Variants in PALD1 observed in about 807,000 individuals in gnomAD.
PALD1 encodes paladin.
A neutral mutation model predicts 96.0 loss-of-function variants in PALD1; 57 were observed. The observed-to-expected ratio is 0.59, with a 90% CI of 0.48 to 0.74. The LOEUF (loss-of-function observed/expected upper bound fraction) is 0.74, where lower values mean the gene tolerates loss of function less well. Among genes scored for constraint, PALD1 ranks in the 30% least tolerant of loss-of-function variants. The pLI, the probability that PALD1 is intolerant of heterozygous loss-of-function variation, is 0.00. For synonymous variants in PALD1, 464 were observed against 473.6 expected, an observed-to-expected ratio of 0.98 and a Z score of 0.26; for missense variants, 1,063 against 1,143.7, an observed-to-expected ratio of 0.93 and a Z score of 1.02.
At chr10:70,487,685 CT>C (rs139022657) in intron 1 of PALD1, among the ~76,000 whole-genome samples, 8,974 of 151,414 alleles carry the variant, frequency 0.059, 982 homozygotes, top group East Asian at 0.51. Flanking sequence ...CACCACAGTA[CT>C]TTTTTTCTTT....
At chr10:70,553,909 G>A (rs1208617436) in intron 18 of PALD1, among the ~76,000 whole-genome samples, 2 of 152,268 alleles carry the variant, frequency 1.3e-5, no homozygotes, top group Admixed American at 6.5e-5. Flanking sequence ...GGTTGTGGGT[G>A]CAGCTGGGAG....
intron 1 of PALD1, among the ~76,000 whole-genome samples, chr10:70,507,309 G>C (rs1284327105): frequency 6.6e-6 from 1 of 152,160 alleles, no homozygotes; most frequent in South Asian, 2.1e-4. Context: ...CTACTTGGGA[G>C]GTTGAGGCAG....
At chr10:70,513,272 ATCATTTGAGG>A (rs1400479722) in intron 1 of PALD1, among the ~76,000 whole-genome samples, 2 of 152,180 alleles carry the variant, frequency 1.3e-5, no homozygotes, top group Admixed American at 1.3e-4. Context: ...AGGTGGGTGC[ATCATTTGAGG>A]TTAGGAGTTC....
intron 18 of PALD1, among the ~76,000 whole-genome samples, chr10:70,554,586 A>G (rs67008917): frequency 0.53 from 80,216 of 151,770 alleles, 21,884 homozygotes; most frequent in Middle Eastern, 0.66. Context: ...TGACACCCGC[A>G]GCAGACTTCG....
At chr10:70,488,215 G>A (rs1846043846) in intron 1 of PALD1, among the ~76,000 whole-genome samples, 1 of 151,762 alleles carries the variant, frequency 6.6e-6, no homozygotes. Flanking sequence ...TTAACTTCTG[G>A]CCTCAAATGA....
At chr10:70,494,170 G>A (rs4746040) in intron 1 of PALD1, among the ~76,000 whole-genome samples, 38,565 of 152,128 alleles carry the variant, frequency 0.25, 6,271 homozygotes, top group East Asian at 0.83. Flanking sequence ...CCACAGGGCT[G>A]CCTTGTCACT....
At chr10:70,471,408 A>G in the PALD1 span, among the ~76,000 whole-genome samples, 4 of 152,250 alleles carry the variant, frequency 2.6e-5, no homozygotes, top group African/African-American at 9.6e-5. Flanking sequence ...CCTTAGAGAC[A>G]GATACTGAGG....
intron 1 of PALD1, among the ~76,000 whole-genome samples, chr10:70,512,636 G>A (rs867056630): frequency 3.9e-5 from 6 of 152,228 alleles, no homozygotes; most frequent in Non-Finnish European, 7.3e-5. Flanking sequence ...GCCAAGAAGC[G>A]GGGACTGAAA....
intron 1 of PALD1, among the ~76,000 whole-genome samples, chr10:70,500,404 A>G (rs1846271566): frequency 6.6e-6 from 1 of 152,144 alleles, no homozygotes; most frequent in Non-Finnish European, 1.5e-5. Context: ...AGATCCTGGC[A>G]TGGTCCCCAG....
chr10:70,535,427 C>T (rs1847090331), intron 10 of PALD1, among the ~76,000 whole-genome samples: 1 of 98,626 alleles, frequency 1.0e-5, no homozygotes. Flanking sequence ...CTTCCCCCTT[C>T]CTCCTCCCCC....
chr10:70,544,666 G>A lies in PALD1; in HGVS notation c.2122-2640G>A, dbSNP rs1847323926. Among the ~76,000 whole-genome samples the A allele has an allele frequency of 2.0e-5, 3 of 152,158 alleles. No individual in the cohort carries two copies. In the South Asian group the frequency reaches 6.2e-4, roughly 32 times the overall value. ...TGTGGAATTCAGGGGAGGAACAGCT[G>A]CAGCAGAGGCCAGGAGTTGGGTTCC... On this transcript the variant is annotated intron_variant, in intron 17 of 19. Transcript: ENST00000263563.
At chr10:70,469,329 G>T in the PALD1 span, among the ~76,000 whole-genome samples, 1 of 152,168 alleles carries the variant, frequency 6.6e-6, no homozygotes, top group Non-Finnish European at 1.5e-5. Context: ...GGAGTCTGTC[G>T]TGTAACCCCT....
At chr10:70,469,753 C>T in the PALD1 span, among the ~76,000 whole-genome samples, 47 of 151,972 alleles carry the variant, frequency 3.1e-4, no homozygotes, top group African/African-American at 1.1e-3. Context: ...AGGGCTGCTC[C>T]AGGTCTGGCA....
intron 1 of PALD1, among the ~76,000 whole-genome samples, chr10:70,491,686 CA>C (rs1179832444): frequency 1.3e-5 from 2 of 152,184 alleles, no homozygotes; most frequent in East Asian, 3.8e-4. Flanking sequence ...CAAACATTTT[CA>C]GTTCCAAAAC....
chr10:70,499,458 G>A (rs568532822), intron 1 of PALD1, among the ~76,000 whole-genome samples: 424 of 152,340 alleles, frequency 2.8e-3, no homozygotes, highest in African/African-American at 8.3e-3. Flanking sequence ...CTCAGAGCCC[G>A]CAGTGTGAGG....
In PALD1 at chr10:70,540,088, A is replaced by G. The variant is rs1031991171; in HGVS notation, c.1908+326A>G. Among the ~76,000 whole-genome samples, 2 of 151,248 alleles carry G rather than the reference A, an allele frequency of 1.3e-5. No homozygotes were observed. The highest frequency in any genetic ancestry group is 1.3e-4 in the Admixed American group (2 of 15,212). On this transcript the variant is annotated intron_variant, in intron 15 of 19. Transcript: ENST00000263563. This position sits in a 1 kb window ranked among gnomAD's most constrained non-coding sequence, Gnocchi z 4.2. ...ATGTGTTTATTATGTTGTAGGGTGT[A>G]TGTGTGTGTATTGTGTTATGGGTGT...
At chr10:70,494,101 C>G (rs1013243820) in intron 1 of PALD1, among the ~76,000 whole-genome samples, 19 of 152,176 alleles carry the variant, frequency 1.2e-4, no homozygotes, top group African/African-American at 4.6e-4. Context: ...AACGCCCCTC[C>G]CCCACAGGAC....
chr10:70,548,681 C>T (rs1049609928), intron 18 of PALD1, among the ~76,000 whole-genome samples: 3 of 152,220 alleles, frequency 2.0e-5, no homozygotes, highest in Non-Finnish European at 2.9e-5. Flanking sequence ...TCAGAAACAG[C>T]TCTTGCCTGT....
At chr10:70,523,378 G>A (rs10999372) in intron 1 of PALD1, among the ~76,000 whole-genome samples, 22,736 of 152,156 alleles carry the variant, frequency 0.15, 2,034 homozygotes, top group Middle Eastern at 0.26. Flanking sequence ...CCTCTCCCTC[G>A]GGAGAGCTGC....
Sources: allele counts gnomAD v4.1 joint callset (sites outside exome capture counted in the v4.1 genomes callset), GRCh38; gene constraint gnomAD v4.1.1; non-coding constraint Gnocchi (gnomAD v3.1); transcripts MANE v1.5; gene names NCBI Gene and HGNC (gene_info 2026-07-23, HGNC 2026-07-21).